BAG6: variants seen among roughly 807,000 people sequenced by gnomAD.
BAG6 encodes BAG cochaperone 6, also known as large proline-rich protein BAG6.
Under a neutral mutation model 121.0 loss-of-function variants are expected in BAG6, and 22 were observed. The ratio of observed to expected loss-of-function variants is 0.18; its 90% confidence interval spans 0.13 to 0.26. BAG6 has a LOEUF of 0.26. Ranked by LOEUF, BAG6 falls within the 10% of genes least tolerant of loss-of-function variation. The pLI is 1.00. For missense variants in BAG6, 1,233 were observed against 1,537.7 expected, an observed-to-expected ratio of 0.80 and a Z score of 3.31; for synonymous variants, 583 against 584.6, an observed-to-expected ratio of 1.00 and a Z score of 0.04.
Position 31,640,592 on chromosome 6 carries a change from C to T in BAG6, c.2994+53G>A. 1.2e-6 allele frequency: 2 copies of T among 1,612,766 alleles called. No individual in the cohort carries two copies. Among genetic ancestry groups the T allele is most frequent in the East Asian group, 2.2e-5 (1 of 44,892 alleles). ...TTTTAGCCTCCAAACCTTTCTCCCCCAGCCCTCCACTCCACATTATCTGGC... is the reference window on the plus strand; with the variant it reads ...TTTTAGCCTCCAAACCTTTCTCCCCTAGCCCTCCACTCCACATTATCTGGC... On this transcript the variant is annotated intron_variant, in intron 22 of 25. Transcript: ENST00000676615. This position sits in a 1 kb window ranked among gnomAD's most constrained non-coding sequence, Gnocchi z 4.2.
At position 31,646,387 on chromosome 6, in the gene BAG6, G is replaced by A. The variant is rs770805574; in HGVS notation, c.918+7C>T. On this transcript the variant is annotated splice_region_variant and intron_variant, in intron 8 of 25. Coordinates refer to ENST00000676615, the MANE Select transcript of BAG6 (RefSeq NM_001387994.1). ...AGGAGAAAGGGCAGGGCCATCAAAG[G>A]GCTCACATTGTTATTGTAGTCCGTG... 1 of 1,612,100 alleles carries A rather than the reference G, an allele frequency of 6.2e-7. No individual in the cohort carries two copies. The highest frequency in any genetic ancestry group is 1.1e-5 in the South Asian group (1 of 90,996).
rs755691531 is a variant in BAG6, at chr6:31,645,043, T to G, written c.1272A>C (p.Pro424=). The change falls in exon 10 of 26, where the codon CCA becomes CCC. Residue 424 remains proline (P), a synonymous_variant. Coordinates refer to ENST00000676615, the MANE Select transcript of BAG6 (RefSeq NM_001387994.1). The part of the protein sequence containing the change: ...VESSAEGAPP[P]GPAPPPATSH... ...TGGTGGCTGGCGGGGGAGCTGGACCTGGCGGGGGAGCCCCCTCAGCTGAGG... is the reference window on the plus strand; with the variant it reads ...TGGTGGCTGGCGGGGGAGCTGGACCGGGCGGGGGAGCCCCCTCAGCTGAGG... 1 of 1,612,838 alleles carries G rather than the reference T, an allele frequency of 6.2e-7. No homozygotes were observed. Among genetic ancestry groups the G allele is most frequent in the South Asian group, 1.1e-5 (1 of 91,078 alleles).
In BAG6 at chr6:31,643,089, G is replaced by T; in HGVS notation, c.1783C>A (p.Pro595Thr). ...GCAGAAGCAGTGGCAGGGGCTGGCG[G>T]TGGAGCCATACCTGGGGTCCCCTGA... Reference protein sequence around the residue: ...VAQGTPGMAPPPAPATASASA... With the variant: ...VAQGTPGMAPTPAPATASASA... The change falls in exon 15 of 26, where the codon CCG becomes ACG. Residue 595 changes from proline to threonine, a missense_variant. Around this residue, in one of 7 missense-constraint regions of BAG6, gnomAD observed 777 missense variants for 861.4 expected, o/e 0.90. Transcript: ENST00000676615. The T allele has an allele frequency of 1.3e-6, 2 of 1,581,860 alleles. No individual in the cohort carries two copies. The highest frequency in any genetic ancestry group is 8.6e-7 in the Non-Finnish European group (1 of 1,168,498).
chr6:31,646,519 G>C lies in BAG6; in HGVS notation c.793C>G (p.Pro265Ala), dbSNP rs779831144. 3 of 1,612,396 alleles carry C rather than the reference G, an allele frequency of 1.9e-6. No homozygotes were observed. Among genetic ancestry groups the C allele is most frequent in the Non-Finnish European group, 1.7e-6 (2 of 1,179,894 alleles). The change falls in exon 8 of 26, where the codon CCT becomes GCT. Residue 265 changes from proline to alanine, a missense_variant. Transcript: ENST00000676615. ...PAPETNAPNH[P>A]SPAEYVEVLQ... Reference sequence around the variant, plus strand: ...ACCTCGACATACTCCGCAGGGGAAGGATGGCTGTGGACAAACCCAAGGGGC... The same window carrying C: ...ACCTCGACATACTCCGCAGGGGAAGCATGGCTGTGGACAAACCCAAGGGGC...
In BAG6 at chr6:31,645,096, C is replaced by T. The variant is rs935551131; in HGVS notation, c.1219G>A (p.Val407Met). The T allele has an allele frequency of 1.2e-5, 19 of 1,612,852 alleles. No individual in the cohort carries two copies. The highest frequency in any genetic ancestry group is 2.2e-5 in the East Asian group (1 of 44,888). Reference protein sequence around the residue: ...PPPGPGQASSVAPSSTNVESS... With the variant: ...PPPGPGQASSMAPSSTNVESS... ...TCGACATTGGTAGAAGACGGAGCCA[C>T]GGATGAGGCCTGCCCAGGACCAGGG... Residue 407 changes from valine (V) to methionine (M), a missense_variant, in exon 10 of 26, where the codon GTG becomes ATG. Coordinates refer to ENST00000676615, the MANE Select transcript of BAG6 (RefSeq NM_001387994.1).
Position 31,646,444 on chromosome 6 carries a change from G to A in BAG6, c.868C>T (p.Arg290Cys), listed in dbSNP as rs762374192. ...GCAGCACCCAGAACCTCGTAGTAGC[G>A]CTGCAAGAAGGGCTGGAGGCGACTC... ...LESRLQPFLQRYYEVLGAAAT... is the reference protein window; with the variant it reads ...LESRLQPFLQCYYEVLGAAAT... Residue 290 changes from arginine to cysteine, a missense_variant, in exon 8 of 26, where the codon CGC (arginine) becomes TGC (cysteine). By Grantham distance (180) the Arg-to-Cys change is radical. Coordinates refer to ENST00000676615, the MANE Select transcript of BAG6 (RefSeq NM_001387994.1). 23 of 1,612,816 alleles carry A rather than the reference G, an allele frequency of 1.4e-5. No individual in the cohort carries two copies. Among genetic ancestry groups the A allele is most frequent in the Middle Eastern group, 1.6e-4 (1 of 6,082 alleles).
chr6:31,643,080 G>A lies in BAG6; in HGVS notation c.1792C>T (p.Pro598Ser). The A allele has an allele frequency of 6.3e-7, 1 of 1,585,146 alleles. No individual in the cohort carries two copies. Among genetic ancestry groups the A allele is most frequent in the Non-Finnish European group, 8.6e-7 (1 of 1,169,412 alleles). The change falls in exon 15 of 26, where the codon CCT (proline) becomes TCT (serine). Residue 598 changes from proline to serine, a missense_variant. Physicochemically the swap from Pro to Ser is moderately conservative, Grantham distance 74. This residue lies in a region of BAG6 where 777 missense variants were observed against 861.4 expected (regional missense o/e 0.90). Transcript: ENST00000676615. ...GTPGMAPPPA[P>S]ATASASAGTT... ...CCAGCACTGGCAGAAGCAGTGGCAG[G>A]GGCTGGCGGTGGAGCCATACCTGGG...
Position 31,639,114 on chromosome 6 carries a change from GGCCATAGAGCAAAGA to G in BAG6, c.*2_*16del. On this transcript the variant is annotated 3_prime_UTR_variant, in exon 26 of 26. Coordinates refer to ENST00000676615, the MANE Select transcript of BAG6 (RefSeq NM_001387994.1). Reference sequence around the variant, plus strand: ...GGGAAACGGTCCCCTGATGAGGAAGGGCCATAGAGCAAAGAGCTAAGGATCATCAGCAAAGGCCCG... The same window carrying G: ...GGGAAACGGTCCCCTGATGAGGAAGGGCTAAGGATCATCAGCAAAGGCCCG... 5 of 1,593,758 alleles carry G rather than the reference GGCCATAGAGCAAAGA, an allele frequency of 3.1e-6. No individual in the cohort carries two copies. Among genetic ancestry groups the G allele is most frequent in the Non-Finnish European group, 4.3e-6 (5 of 1,165,510 alleles).
At chr6:31,652,353 A>C (rs868332750) in intron 1 of BAG6, 71 bp downstream of exon 1, 53 of 132,948 alleles carry the variant, frequency 4.0e-4, no homozygotes, top group Middle Eastern at 3.8e-3. Flanking sequence ...ACACACACAC[A>C]CACACACCCA....
In BAG6 at chr6:31,642,341, C is replaced by T. The variant is rs774659500; in HGVS notation, c.2106G>A (p.Gln702=). 19 of 1,324,852 alleles carry T rather than the reference C, an allele frequency of 1.4e-5. No individual in the cohort carries two copies. The South Asian group carries it at 2.1e-4, about 15-fold the overall frequency. 82.1% of individuals were successfully genotyped at this position (1,324,852 alleles called of 1,614,324 possible). ...PPPPPPPAPE[Q]QTMPPPGSPS... ...GGGAGCCTGGTGGGGGCATGGTCTG[C>T]TGCTCTGGGGCAGGTGGTGGGGGTG... is the stretch of plus-strand genomic sequence containing the variant. The change falls in exon 16 of 26, where the codon CAG becomes CAA. Residue 702 remains glutamine (Q), a synonymous_variant. Transcript: ENST00000676615.
intron 1 of BAG6, 71 bp downstream of exon 1, chr6:31,652,353 A>ACCCC (rs1554157565): frequency 1.5e-5 from 2 of 132,846 alleles, no homozygotes; most frequent in African/African-American, 3.0e-5. Flanking sequence ...ACACACACAC[A>ACCCC]CACACACCCA....
At position 31,640,979 on chromosome 6, in the gene BAG6, C is replaced by T; in HGVS notation, c.2788-41G>A. The T allele has an allele frequency of 3.7e-6, 6 of 1,605,114 alleles. No individual in the cohort carries two copies. Among genetic ancestry groups the T allele is most frequent in the Non-Finnish European group, 5.1e-6 (6 of 1,175,100 alleles). On this transcript the variant is annotated intron_variant, in intron 20 of 25. Coordinates refer to ENST00000676615, the MANE Select transcript of BAG6 (RefSeq NM_001387994.1). The surrounding 1 kb of genome is among the most constrained non-coding windows in gnomAD (Gnocchi z 4.2). ...CAGATTTAGAACACAAAACCCTCAA[C>T]CACCTTTAGAAATAGATTAGATCCA...
In BAG6 at chr6:31,644,030, A is replaced by G; in HGVS notation, c.1668+52T>C. The G allele has an allele frequency of 6.2e-7, 1 of 1,613,130 alleles. No individual in the cohort carries two copies. The highest frequency in any genetic ancestry group is 1.1e-5 in the South Asian group (1 of 91,022). ...GACCTGCCCTTCCATGCACCACCAC[A>G]GGAGTCTCTCCCTAGACTGTTACGC... On this transcript the variant is annotated intron_variant, in intron 13 of 25. Transcript: ENST00000676615. The surrounding 1 kb of genome is among the most constrained non-coding windows in gnomAD (Gnocchi z 4.9).
At chr6:31,639,326 C>A (rs142375348) in intron 25 of BAG6, 100 bp from the exon 26 acceptor site, 66 of 1,452,934 alleles carry the variant, frequency 4.5e-5, no homozygotes, top group Non-Finnish European at 5.2e-5. Context: ...ATTTCCCCCC[C>A]CAAGCACACT....
rs1430899598 is a variant in BAG6, at chr6:31,642,938, A to T, written c.1934T>A (p.Leu645Gln). The change falls in exon 15 of 26, where the codon CTA (leucine) becomes CAA (glutamine). Residue 645 changes from leucine to glutamine, a missense_variant. Leu to Gln is a moderately radical substitution (Grantham distance 113). This residue lies in a region of BAG6 where 777 missense variants were observed against 861.4 expected (regional missense o/e 0.90). Coordinates refer to ENST00000676615, the MANE Select transcript of BAG6 (RefSeq NM_001387994.1). ...LQFSQLLGNL[L>Q]GPAGPGAGGS... ...TCCAGCCCCTGGCCCTGCAGGCCCTAGCAGGTTCCCCAGAAGCTGAGAGAA... is the reference window on the plus strand; with the variant it reads ...TCCAGCCCCTGGCCCTGCAGGCCCTTGCAGGTTCCCCAGAAGCTGAGAGAA... 5 of 1,608,144 alleles carry T rather than the reference A, an allele frequency of 3.1e-6. No individual in the cohort carries two copies. The highest frequency in any genetic ancestry group is 4.2e-6 in the Non-Finnish European group (5 of 1,177,566).
At chr6:31,649,430 T>C (rs1793870760) in intron 3 of BAG6, 35 bp from the exon 4 acceptor site, 3 of 1,607,766 alleles carry the variant, frequency 1.9e-6, no homozygotes, top group Non-Finnish European at 2.5e-6. Flanking sequence ...AAACATAGTA[T>C]GAACAGGTAA....
rs543571406 is a variant in BAG6, at chr6:31,647,930, G to A, written c.553-104C>T. The stretch of plus-strand genomic sequence containing the variant: ...AGAAAGTATCCTAACTAGACTCCCT[G>A]AAGGCATGGCTCTGCAATTTTATCT... On this transcript the variant is annotated intron_variant, in intron 6 of 25. Transcript: ENST00000676615. 5.1e-6 allele frequency: 7 copies of A among 1,379,912 alleles called. No homozygotes were observed. In the South Asian group the frequency reaches 5.6e-5, roughly 11 times the overall value. 85.5% of individuals were successfully genotyped at this position (1,379,912 alleles called of 1,614,324 possible).
At chr6:31,651,954 C>G in intron 1 of BAG6, 178 bp from the exon 2 acceptor site, 1 of 551,458 alleles carries the variant, frequency 1.8e-6, no homozygotes, top group South Asian at 2.3e-5. Flanking sequence ...ACACAAAGGG[C>G]AGGAGATCGA....
intron 1 of BAG6, 104 bp downstream of exon 1, chr6:31,652,318 CAA>C (rs1407482423): frequency 1.4e-3 from 181 of 127,318 alleles, no homozygotes; most frequent in Middle Eastern, 3.9e-3. Context: ...AACCCACAGC[CAA>C]ACACACACAC....
Sources: allele counts gnomAD v4.1 joint callset, GRCh38; gene constraint gnomAD v4.1.1; regional missense constraint gnomAD v4.1.1; non-coding constraint Gnocchi (gnomAD v3.1); transcripts MANE v1.5; gene names NCBI Gene and HGNC (gene_info 2026-07-23, HGNC 2026-07-21).